The following PAOX variants were observed in gnomAD, a reference collection of about 807,000 sequenced individuals.
PAOX encodes the protein polyamine oxidase.
In PAOX, 38 loss-of-function variants were observed where a neutral mutation model predicts 39.0. That is an observed-to-expected ratio of 0.97 (90% CI 0.75 to 1.28). The LOEUF (loss-of-function observed/expected upper bound fraction) is 1.28. Among genes scored for constraint, PAOX ranks in the 50% most tolerant of loss-of-function variants. PAOX has a pLI of 0.00. For synonymous variants in PAOX, 311 were observed against 314.4 expected (o/e 0.99, Z 0.11); for missense variants, 667 against 685.7 (o/e 0.97, Z 0.30).
Position 133,380,206 on chromosome 10 carries a change from T to TG in PAOX, c.391dup (p.Ala131GlyfsTer44). 6.2e-7 allele frequency: 1 copy of TG among 1,612,742 alleles called. No individual in the cohort carries two copies. The highest frequency in any genetic ancestry group is 8.5e-7 in the Non-Finnish European group (1 of 1,179,894). On this transcript the variant is annotated frameshift_variant, in exon 2 of 7. Coordinates refer to ENST00000278060, the MANE Select transcript of PAOX (RefSeq NM_152911.4). LOFTEE classifies it high-confidence loss of function. Reference sequence around the variant, plus strand: ...GTGAGCCTCCAGCTGGTGGCGGAGATGGCGACTCTGTTCTACGGCCTGATA... The same window carrying TG: ...GTGAGCCTCCAGCTGGTGGCGGAGATGGGCGACTCTGTTCTACGGCCTGATA...
Position 133,387,276 on chromosome 10 carries a change from C to G in PAOX, c.1122-1680C>G, listed in dbSNP as rs1466333399. Among the ~76,000 whole-genome samples the G allele has an allele frequency of 7.9e-5, 12 of 152,070 alleles. No homozygotes were observed. The East Asian group carries it at 2.1e-3, about 27-fold the overall frequency. On this transcript the variant is annotated intron_variant, in intron 4 of 6. Transcript: ENST00000278060. ...CCTGGGCAACAGAGGGAGGCCATGTCTTAAAAAAATAAAATATATATATAT... is the reference window on the plus strand; with the variant it reads ...CCTGGGCAACAGAGGGAGGCCATGTGTTAAAAAAATAAAATATATATATAT...
chr10:133,381,319 T>G (rs1183359606), intron 2 of PAOX, 141 bp from the exon 3 acceptor site: 3 of 744,294 alleles, frequency 4.0e-6, no homozygotes, highest in African/African-American at 3.5e-5. Context: ...AGAGTGGAGC[T>G]GACCTCCTTG....
chr10:133,388,897 C>T, intron 4 of PAOX, 59 bp from the exon 5 acceptor site: 1 of 744,162 alleles, frequency 1.3e-6, no homozygotes, highest in Non-Finnish European at 2.5e-6. Context: ...TCTGGTCATC[C>T]CAGGGCTCTC....
At position 133,380,314 on chromosome 10, in the gene PAOX, A is replaced by G; in HGVS notation, c.497A>G (p.His166Arg). Residue 166 changes from histidine (H) to arginine (R), a missense_variant, in exon 2 of 7, where the codon CAC becomes CGC. Transcript: ENST00000278060. ...GEYLKKEIGQ[H>R]VAGWTEDEET... ...TACCTCAAGAAGGAGATTGGCCAGC[A>G]CGTGGCCGGCTGGACAGAGGATGAG... 6.2e-7 allele frequency: 1 copy of G among 1,612,886 alleles called. No homozygotes were observed. The highest frequency in any genetic ancestry group is 8.5e-7 in the Non-Finnish European group (1 of 1,180,024).
chr10:133,379,620 C>G, intron 1 of PAOX, 123 bp downstream of exon 1: 1 of 823,204 alleles, frequency 1.2e-6, no homozygotes, highest in Non-Finnish European at 1.6e-6. Flanking sequence ...CGAGGGAATC[C>G]CCGCTCGCTT....
At position 133,391,504 on chromosome 10, in the gene PAOX, C is replaced by T. The variant is rs778554533; in HGVS notation, c.*49C>T. On this transcript the variant is annotated 3_prime_UTR_variant, in exon 7 of 7. Coordinates refer to ENST00000278060, the MANE Select transcript of PAOX (RefSeq NM_152911.4). ...ACCCGTGTCGGGGGTAGGCTGGGAC[C>T]CTCATTTCTTCTGACAGATTTCAGT... 39 of 1,550,946 alleles carry T rather than the reference C, an allele frequency of 2.5e-5. No homozygotes were observed. Among genetic ancestry groups the T allele is most frequent in the South Asian group, 7.3e-5 (6 of 82,440 alleles).
intron 1 of PAOX, 139 bp downstream of exon 1, chr10:133,379,636 G>A: frequency 2.6e-6 from 2 of 758,020 alleles, no homozygotes; most frequent in Non-Finnish European, 3.6e-6. Flanking sequence ...CGCTTAATCC[G>A]CCAGAGTTCA....
At chr10:133,390,926 G>C in intron 6 of PAOX, 1 of 697,038 alleles carries the variant, frequency 1.4e-6, no homozygotes, top group Non-Finnish European at 2.6e-6. Context: ...CCTGAGCTGC[G>C]GGGTGCAGTG....
chr10:133,387,619 G>A (rs941855886), intron 4 of PAOX, among the ~76,000 whole-genome samples: 2 of 152,224 alleles, frequency 1.3e-5, no homozygotes, highest in Non-Finnish European at 2.9e-5. Flanking sequence ...TGTGAAAGAC[G>A]CACCAGCCCC....
chr10:133,381,385 C>T (rs1054052294), intron 2 of PAOX, 75 bp from the exon 3 acceptor site: 176 of 1,431,692 alleles, frequency 1.2e-4, no homozygotes, highest in Admixed American at 1.8e-4. Flanking sequence ...GGTGGGAACT[C>T]AGAGCACGTA....
rs1849491432 is a variant in PAOX, at chr10:133,384,874, G to A, written c.1121+662G>A. Among the ~76,000 whole-genome samples the A allele has an allele frequency of 6.6e-6, 1 of 152,220 alleles. No homozygotes were observed. The highest frequency in any genetic ancestry group is 2.1e-4 in the South Asian group (1 of 4,832). On this transcript the variant is annotated intron_variant, in intron 4 of 6. Transcript: ENST00000278060. This position sits in a 1 kb window ranked among gnomAD's most constrained non-coding sequence, Gnocchi z 4.3. Reference sequence around the variant, plus strand: ...TGTTCTGAAAGACCCGGGATGGGGTGGGATGTAGGGCATGCCTGCCAGATG... The same window carrying A: ...TGTTCTGAAAGACCCGGGATGGGGTAGGATGTAGGGCATGCCTGCCAGATG...
At chr10:133,379,592 C>G (rs1460422639) in intron 1 of PAOX, 95 bp downstream of exon 1, 1 of 1,018,888 alleles carries the variant, frequency 9.8e-7, no homozygotes, top group Non-Finnish European at 1.3e-6. Flanking sequence ...ACCTGCCCGG[C>G]CGCCTCACCG....
rs1201283124 is a variant in PAOX, at chr10:133,379,488, C to T, written c.172C>T (p.Arg58Cys). ...CGCCGGGGGCCGCATCCGCTCGGAG[C>T]GCTGCTTCGGTAACCGCCCCTCCCG... ...ARAGGRIRSE[R>C]CFGGVVEVGA... Residue 58 changes from arginine (R) to cysteine (C), a missense_variant, in exon 1 of 7, where the codon CGC (arginine) becomes TGC (cysteine). Transcript: ENST00000278060. 5 of 1,225,706 alleles carry T rather than the reference C, an allele frequency of 4.1e-6. No homozygotes were observed. The highest frequency in any genetic ancestry group is 5.1e-6 in the Non-Finnish European group (5 of 984,192). The allele number at this position is 1,225,706 out of a possible 1,614,324, so 75.9% of individuals were successfully genotyped here.
chr10:133,384,251 T>C lies in PAOX; in HGVS notation c.1121+39T>C. The C allele has an allele frequency of 6.2e-7, 1 of 1,602,136 alleles. No homozygotes were observed. The highest frequency in any genetic ancestry group is 8.5e-7 in the Non-Finnish European group (1 of 1,173,314). On this transcript the variant is annotated intron_variant, in intron 4 of 6. Transcript: ENST00000278060. This position sits in a 1 kb window ranked among gnomAD's most constrained non-coding sequence, Gnocchi z 4.3. The stretch of plus-strand genomic sequence containing the variant: ...CTGAGAAGTTCTGCGAGTGGCTGGC[T>C]CATAGGCCTTCATCTGATGGAGGAC...
Position 133,389,609 on chromosome 10 carries a change from G to A in PAOX, c.1254G>A (p.Ala418=), listed in dbSNP as rs1169300165. The A allele has an allele frequency of 1.2e-6, 2 of 1,613,718 alleles. No individual in the cohort carries two copies. Among genetic ancestry groups the A allele is most frequent in the South Asian group, 1.1e-5 (1 of 91,086 alleles). Residue 418 remains alanine, a synonymous_variant, in exon 6 of 7, where the codon GCG becomes GCA. Coordinates refer to ENST00000278060, the MANE Select transcript of PAOX (RefSeq NM_152911.4). ...GCTCAGGAAACCCACGGCTCCCCGC[G>A]CCCAAGAGCGTCCTGCGGTCTCGCT... is the stretch of plus-strand genomic sequence containing the variant. ...RRVTGNPRLP[A]PKSVLRSRWH...
intron 3 of PAOX, among the ~76,000 whole-genome samples, chr10:133,381,864 C>A: frequency 6.6e-6 from 1 of 152,264 alleles, no homozygotes; most frequent in Admixed American, 6.5e-5. Flanking sequence ...TAAGAAAAAA[C>A]GCGAGTAAGT....
rs761943034 is a variant in PAOX, at chr10:133,391,581, A to G, written c.*126A>G. On this transcript the variant is annotated 3_prime_UTR_variant, in exon 7 of 7. Coordinates refer to ENST00000278060, the MANE Select transcript of PAOX (RefSeq NM_152911.4). ...GAGGGTCCTCTGGTTTTTGGTAACC[A>G]GGGCCACCTTCTCAGTTCTTGTGTC... The G allele has an allele frequency of 7.4e-7, 1 of 1,357,428 alleles. No homozygotes were observed. 84.1% of individuals were successfully genotyped at this position (1,357,428 alleles called of 1,614,324 possible).
rs1049695213 is a variant in PAOX, at chr10:133,384,487, C to T, written c.1121+275C>T. Among the ~76,000 whole-genome samples, 2 of 152,098 alleles carry T rather than the reference C, an allele frequency of 1.3e-5. No individual in the cohort carries two copies. The highest frequency in any genetic ancestry group is 4.8e-5 in the African/African-American group (2 of 41,420). ...AGGCTCAGTCTTCAGTCAGTGGGAACGTGTTTACTGGAATGTTGCAGGGAG... is the reference window on the plus strand; with the variant it reads ...AGGCTCAGTCTTCAGTCAGTGGGAATGTGTTTACTGGAATGTTGCAGGGAG... On this transcript the variant is annotated intron_variant, in intron 4 of 6. Transcript: ENST00000278060. The surrounding 1 kb of genome is among the most constrained non-coding windows in gnomAD (Gnocchi z 4.3).
At chr10:133,381,768 C>T (rs1158115934) in intron 3 of PAOX, 109 bp downstream of exon 3, 16 of 1,142,352 alleles carry the variant, frequency 1.4e-5, no homozygotes, top group South Asian at 2.9e-5. Context: ...CTCACATTTT[C>T]GTTCTAGTAA....
Sources: allele counts gnomAD v4.1 joint callset (sites outside exome capture counted in the v4.1 genomes callset), GRCh38; gene constraint gnomAD v4.1.1; non-coding constraint Gnocchi (gnomAD v3.1); transcripts MANE v1.5; gene names NCBI Gene and HGNC (gene_info 2026-07-23, HGNC 2026-07-21).